Variants in CLEC2L observed in about 807,000 individuals in gnomAD.
CLEC2L encodes the protein C-type lectin domain family 2 member L, also known as C-type lectin domain family 2, member L.
A neutral mutation model predicts 23.6 loss-of-function variants in CLEC2L; 14 were observed. The ratio of observed to expected loss-of-function variants is 0.59; its 90% confidence interval spans 0.39 to 0.93. The LOEUF (loss-of-function observed/expected upper bound fraction) is 0.93. CLEC2L is among the 40% of genes least tolerant of loss of function. The pLI is 0.00. For missense variants in CLEC2L, 264 were observed against 282.4 expected (o/e 0.93, Z 0.47); for synonymous variants, 114 against 121.3 (o/e 0.94, Z 0.40).
chr7:139,524,773 T>G (rs1585195238), intron 1 of CLEC2L, among the ~76,000 whole-genome samples: 1 of 151,818 alleles, frequency 6.6e-6, no homozygotes, highest in African/African-American at 2.4e-5. Context: ...GCCGGCGGCG[T>G]GTGGTGTGGG....
At chr7:139,525,594 T>C (rs1585195700) in intron 1 of CLEC2L, among the ~76,000 whole-genome samples, 1 of 152,162 alleles carries the variant, frequency 6.6e-6, no homozygotes, top group East Asian at 1.9e-4. Flanking sequence ...TGGCCCTGTG[T>C]TCCCACGCTT....
chr7:139,543,099 C>T (rs1045745882), intron 4 of CLEC2L, among the ~76,000 whole-genome samples: 4 of 152,206 alleles, frequency 2.6e-5, no homozygotes, highest in Non-Finnish European at 5.9e-5. Context: ...CAGAGGTGGC[C>T]ATCAGCTGCC....
rs757754504 is a variant in CLEC2L, at chr7:139,540,525, C to G, written c.432+38C>G. The stretch of plus-strand genomic sequence containing the variant: ...AGGTGAAGGGGGTTGGGGGAAGGGA[C>G]CCTCAGGGCCCCCAACCTTGACTCT... On this transcript the variant is annotated intron_variant, in intron 3 of 4. Coordinates refer to ENST00000422142, the MANE Select transcript of CLEC2L (RefSeq NM_001080511.4). The surrounding 1 kb of genome is among the most constrained non-coding windows in gnomAD (Gnocchi z 5.8). 3 of 1,556,332 alleles carry G rather than the reference C, an allele frequency of 1.9e-6. No homozygotes were observed. In the African/African-American group the frequency reaches 4.1e-5, roughly 21 times the overall value.
At position 139,523,896 on chromosome 7, in the gene CLEC2L, G is replaced by A. The variant is rs1224974279; in HGVS notation, c.-32G>A. The A allele has an allele frequency of 1.0e-6, 1 of 978,368 alleles. No homozygotes were observed. The allele number at this position is 978,368 out of a possible 1,614,324, so 60.6% of individuals were successfully genotyped here. On this transcript the variant is annotated 5_prime_UTR_variant, in exon 1 of 5. Coordinates refer to ENST00000422142, the MANE Select transcript of CLEC2L (RefSeq NM_001080511.4). The surrounding 1 kb of genome is among the most constrained non-coding windows in gnomAD (Gnocchi z 4.1). ...GGCTGGGCCCCGCACCCCGGTGCAG[G>A]AGCGCGGGCGCGGCGCGGCGGAGCG...
At chr7:139,538,708 C>G (rs1468894361) in intron 2 of CLEC2L, among the ~76,000 whole-genome samples, 1 of 152,182 alleles carries the variant, frequency 6.6e-6, no homozygotes, top group African/African-American at 2.4e-5. Context: ...GAGATCGCGC[C>G]ACTGCACTCC....
chr7:139,530,615 C>A (rs1429717371), intron 1 of CLEC2L, among the ~76,000 whole-genome samples: 2 of 152,010 alleles, frequency 1.3e-5, no homozygotes, highest in Non-Finnish European at 2.9e-5. Flanking sequence ...GAGTTTGAGA[C>A]CAGCCCGACC....
intron 1 of CLEC2L, among the ~76,000 whole-genome samples, chr7:139,524,940 G>GC (rs1255279872): frequency 8.5e-5 from 13 of 152,164 alleles, no homozygotes; most frequent in African/African-American, 2.9e-4. Context: ...GTCAGAAAAG[G>GC]AGGGCTTCCC....
At chr7:139,534,645 C>A in intron 1 of CLEC2L, 1 of 614,978 alleles carries the variant, frequency 1.6e-6, no homozygotes, top group Non-Finnish European at 2.9e-6. Context: ...TCATAGTAAT[C>A]CTGTTTCCAC....
intron 1 of CLEC2L, among the ~76,000 whole-genome samples, chr7:139,527,980 CTT>C (rs1172449406): frequency 1.3e-5 from 2 of 152,128 alleles, no homozygotes; most frequent in African/African-American, 2.4e-5. Flanking sequence ...ATGATGGGAG[CTT>C]TGTCTGGGCC....
Position 139,543,959 on chromosome 7 carries a change from G to A in CLEC2L, c.534-272G>A, listed in dbSNP as rs149547650. On this transcript the variant is annotated intron_variant, in intron 4 of 4. Transcript: ENST00000422142. ...CCATGGAGCCTGGGACATGTGAGCC[G>A]ACCCTGCAAGGACATTGAGAATGGG... Among the ~76,000 whole-genome samples, 7 of 152,256 alleles carry A rather than the reference G, an allele frequency of 4.6e-5. No homozygotes were observed. The East Asian group carries it at 1.3e-3, about 29-fold the overall frequency.
In CLEC2L at chr7:139,541,926, G is replaced by C. The variant is rs1459987994; in HGVS notation, c.433-95G>C. The C allele has an allele frequency of 1.2e-4, 97 of 811,972 alleles. No individual in the cohort carries two copies. The East Asian group carries it at 2.4e-3, about 20-fold the overall frequency. The allele number at this position is 811,972 out of a possible 1,614,324, so 50.3% of individuals were successfully genotyped here. A position where few individuals can be genotyped will look rare whatever the true frequency, so the allele number is the denominator to read the frequency against. Reference sequence around the variant, plus strand: ...CTCTCCTGGCGTCTGTACATCCCGAGAGCCAGTATCTTCCAAGCTGAGGTT... The same window carrying C: ...CTCTCCTGGCGTCTGTACATCCCGACAGCCAGTATCTTCCAAGCTGAGGTT... On this transcript the variant is annotated intron_variant, in intron 3 of 4. Transcript: ENST00000422142.
intron 1 of CLEC2L, among the ~76,000 whole-genome samples, chr7:139,529,398 G>A (rs1445222395): frequency 6.6e-6 from 1 of 152,236 alleles, no homozygotes; most frequent in Non-Finnish European, 1.5e-5. Context: ...CCCAGGCAAA[G>A]TGATGTCAGA....
In CLEC2L at chr7:139,544,543, T is replaced by A; in HGVS notation, c.*201T>A. 1.7e-6 allele frequency: 1 copy of A among 593,228 alleles called. No homozygotes were observed. Among genetic ancestry groups the A allele is most frequent in the Non-Finnish European group, 3.0e-6 (1 of 332,912 alleles). The allele number at this position is 593,228 out of a possible 1,614,324, so 36.7% of individuals were successfully genotyped here. On this transcript the variant is annotated 3_prime_UTR_variant, in exon 5 of 5. Transcript: ENST00000422142. ...CTCCTTTGTCTGCAGGCAGGTCGTG[T>A]GGCTCAGCAGTTAAATCCCATATGC...
At chr7:139,527,368 C>T (rs1261705812) in intron 1 of CLEC2L, among the ~76,000 whole-genome samples, 1 of 152,214 alleles carries the variant, frequency 6.6e-6, no homozygotes, top group Non-Finnish European at 1.5e-5. Context: ...CCCCAGACAA[C>T]CCTGCCACCT....
In CLEC2L at chr7:139,536,308, G is replaced by A. The variant is rs1425971976; in HGVS notation, c.225G>A (p.Ala75=). The A allele has an allele frequency of 7.7e-6, 12 of 1,551,398 alleles. No homozygotes were observed. Among genetic ancestry groups the A allele is most frequent in the Middle Eastern group, 1.7e-4 (1 of 6,012 alleles). The change falls in exon 2 of 5, where the codon GCG becomes GCA. Residue 75 remains alanine (A), a synonymous_variant. Transcript: ENST00000422142. ...CACGCCTCCTGCTGGGTGCCATCGC[G>A]GTCCTTCTGTTCGCCATCTTGGTGG... is the stretch of plus-strand genomic sequence containing the variant. ...TTTRLLLGAI[A]VLLFAILVVM...
rs555496236 is a variant in CLEC2L, at chr7:139,525,032, T to C, written c.190+915T>C. Among the ~76,000 whole-genome samples, 13 of 152,104 alleles carry C rather than the reference T, an allele frequency of 8.5e-5. No homozygotes were observed. In the East Asian group the frequency reaches 1.9e-3, roughly 23 times the overall value. Reference sequence around the variant, plus strand: ...AGAGCATGACGTATCCCAGGCCAGGTGGTCAGAGCTACTCTGTGCCACGTG... The same window carrying C: ...AGAGCATGACGTATCCCAGGCCAGGCGGTCAGAGCTACTCTGTGCCACGTG... On this transcript the variant is annotated intron_variant, in intron 1 of 4. Coordinates refer to ENST00000422142, the MANE Select transcript of CLEC2L (RefSeq NM_001080511.4).
chr7:139,531,186 A>G lies in CLEC2L; in HGVS notation c.191-5088A>G, dbSNP rs534702084. 7.4e-4 allele frequency among the ~76,000 whole-genome samples: 113 copies of G among 152,340 alleles called. No individual in the cohort carries two copies. The Middle Eastern group carries it at 0.02, about 28-fold the overall frequency. On this transcript the variant is annotated intron_variant, in intron 1 of 4. Coordinates refer to ENST00000422142, the MANE Select transcript of CLEC2L (RefSeq NM_001080511.4). ...CAGACCCCTGAGGAAAGTCTCTAAC[A>G]TGGAAGCTCAAGACCAAAACAGAGG...
chr7:139,528,078 C>T (rs747209937), intron 1 of CLEC2L, among the ~76,000 whole-genome samples: 4 of 152,122 alleles, frequency 2.6e-5, no homozygotes, highest in Admixed American at 6.6e-5. Context: ...CACCCTTATA[C>T]GCCATCTAAT....
chr7:139,531,995 G>A (rs1197763519), intron 1 of CLEC2L, among the ~76,000 whole-genome samples: 1 of 152,084 alleles, frequency 6.6e-6, no homozygotes, highest in South Asian at 2.1e-4. Flanking sequence ...TACTAGAGTA[G>A]ATGAAATAGA....
Sources: gnomAD v4.1 joint callset for allele counts (sites outside exome capture counted in the v4.1 genomes callset) on GRCh38, gnomAD v4.1.1 for gene constraint, Gnocchi (gnomAD v3.1) non-coding constraint, MANE v1.5 for transcripts, NCBI Gene and HGNC (gene_info 2026-07-23, HGNC 2026-07-21) for gene names.